SI: variants seen among roughly 807,000 people sequenced by gnomAD.
SI encodes the protein sucrase-isomaltase, also known as sucrase-isomaltase, intestinal.
SI carries 235 observed loss-of-function variants against 253.3 expected under a neutral mutation model. That is an observed-to-expected ratio of 0.93 (90% CI 0.83 to 1.03). The LOEUF (loss-of-function observed/expected upper bound fraction) is 1.03, where lower values mean the gene tolerates loss of function less well. Among genes scored for constraint, SI ranks in the 50% least tolerant of loss-of-function variants. The pLI is 0.00. For missense variants in SI, 2,442 were observed against 2,211.1 expected (o/e 1.10, Z -2.09); for synonymous variants, 819 against 712.0 (o/e 1.15, Z -2.39).
In SI at chr3:165,068,708, C is replaced by T. The variant is rs1714387418; in HGVS notation, c.483+14G>A. The T allele has an allele frequency of 1.3e-6, 2 of 1,595,410 alleles. No homozygotes were observed. Among genetic ancestry groups the T allele is most frequent in the South Asian group, 1.1e-5 (1 of 90,702 alleles). On this transcript the variant is annotated intron_variant, in intron 5 of 47. Transcript: ENST00000264382. ...CTTTTAGTATTAAATCTTTGGAAAC[C>T]TTAAAAACCGAACCTTGAACCGGAA... is the stretch of plus-strand genomic sequence containing the variant.
intron 17 of SI, 21 bp from the exon 18 acceptor site, chr3:165,041,115 TTAAAA>T: frequency 1.2e-6 from 2 of 1,610,056 alleles, no homozygotes; most frequent in Non-Finnish European, 1.7e-6. Flanking sequence ...GAAAGAGAAA[TTAAAA>T]TAAGAAAGCT....
the SI span, among the ~76,000 whole-genome samples, chr3:165,084,618 G>C: frequency 6.6e-6 from 1 of 151,728 alleles, no homozygotes; most frequent in Admixed American, 6.6e-5. Context: ...AAATATAATT[G>C]AAAATACATT....
chr3:165,009,714 C>T (rs1718684137), intron 34 of SI, among the ~76,000 whole-genome samples: 1 of 152,128 alleles, frequency 6.6e-6, no homozygotes, highest in Admixed American at 6.6e-5. Context: ...CTGCAGAGCC[C>T]ATACTTCAGG....
intron 15 of SI, among the ~76,000 whole-genome samples, chr3:165,048,432 T>C (rs1375679389): frequency 1.3e-5 from 2 of 151,162 alleles, no homozygotes; most frequent in Non-Finnish European, 2.9e-5. Flanking sequence ...CTTGGGGCAA[T>C]ATTTTCCCAG....
At chr3:165,040,710 A>G (rs151314153) in intron 18 of SI, among the ~76,000 whole-genome samples, 179 of 152,150 alleles carry the variant, frequency 1.2e-3, no homozygotes, top group African/African-American at 4.2e-3. Context: ...AACATATTTT[A>G]TATATCTTTT....
chr3:165,000,956 A>G (rs1161929520), intron 37 of SI, among the ~76,000 whole-genome samples: 4 of 151,266 alleles, frequency 2.6e-5, no homozygotes, highest in African/African-American at 9.7e-5. Flanking sequence ...ATATATCTTC[A>G]ATTATTATAA....
chr3:165,001,466 T>A (rs1718252685), intron 37 of SI, among the ~76,000 whole-genome samples: 1 of 151,526 alleles, frequency 6.6e-6, no homozygotes, highest in Admixed American at 6.6e-5. Context: ...TGAAATTGGA[T>A]AAGTATTTTG....
intron 13 of SI, among the ~76,000 whole-genome samples, chr3:165,053,220 C>A (rs1713520996): frequency 6.6e-6 from 1 of 151,862 alleles, no homozygotes; most frequent in African/African-American, 2.4e-5. Context: ...TACACAAAAA[C>A]TATACTTCAA....
At chr3:165,085,734 A>G in the SI span, among the ~76,000 whole-genome samples, 1 of 152,212 alleles carries the variant, frequency 6.6e-6, no homozygotes, top group African/African-American at 2.4e-5. Flanking sequence ...CTTTTTATGA[A>G]TAAATTGGAA....
At chr3:165,049,059 T>C (rs544186734) in intron 15 of SI, 68 bp downstream of exon 15, 37 of 922,928 alleles carry the variant, frequency 4.0e-5, no homozygotes, top group Admixed American at 1.2e-4. Context: ...ATGAATACAT[T>C]GATAAATTAT....
At position 164,996,551 on chromosome 3, in the gene SI, T is replaced by G; in HGVS notation, c.4676A>C (p.Asn1559Thr). ...ATTACATACTCTAGTATTTGCAATG[T>G]TGTGATTCCTTGAGTATGGATAAAA... ...GAFYPYSRNH[N>T]IANTRRQDPA... The change falls in exon 40 of 48, where the codon AAC becomes ACC. Residue 1559 changes from asparagine to threonine, a missense_variant. Asn to Thr is a moderately conservative substitution (Grantham distance 65). Transcript: ENST00000264382. 1 of 1,555,036 alleles carries G rather than the reference T, an allele frequency of 6.4e-7. No individual in the cohort carries two copies. Among genetic ancestry groups the G allele is most frequent in the Non-Finnish European group, 8.9e-7 (1 of 1,126,794 alleles).
At chr3:165,002,942 T>A (rs1320586025) in intron 37 of SI, among the ~76,000 whole-genome samples, 5 of 151,806 alleles carry the variant, frequency 3.3e-5, no homozygotes, top group African/African-American at 1.2e-4. Flanking sequence ...TATATGTATA[T>A]TGATTTCATT....
At chr3:165,070,345 CATAT>C (rs72166578) in intron 3 of SI, among the ~76,000 whole-genome samples, 2,404 of 139,302 alleles carry the variant, frequency 0.017, 48 homozygotes, top group African/African-American at 0.05. Flanking sequence ...CTCTAAACAC[CATAT>C]ATATATATAT....
At chr3:165,015,305 CA>C (rs1353158635) in intron 32 of SI, 72 bp from the exon 33 acceptor site, 7 of 931,518 alleles carry the variant, frequency 7.5e-6, no homozygotes, top group Non-Finnish European at 1.2e-5. Context: ...GATTATGAAG[CA>C]TAAGTTTTCA....
At chr3:165,065,197 T>C (rs987727491) in intron 7 of SI, 64 bp downstream of exon 7, 28 of 1,047,794 alleles carry the variant, frequency 2.7e-5, no homozygotes, top group Non-Finnish European at 4.0e-5. Context: ...TTTTCAAATA[T>C]GCTAAGATTT....
At chr3:165,044,066 C>G (rs919513728) in intron 16 of SI, among the ~76,000 whole-genome samples, 2 of 151,870 alleles carry the variant, frequency 1.3e-5, no homozygotes, top group African/African-American at 4.8e-5. Context: ...AGGTTGCAGT[C>G]AAAACTGTTT....
At chr3:165,009,514 A>G in intron 34 of SI, 119 bp from the exon 35 acceptor site, 1 of 696,902 alleles carries the variant, frequency 1.4e-6, no homozygotes, top group Non-Finnish European at 2.7e-6. Context: ...AAGGAAATTG[A>G]CATCAATCTT....
rs1200263910 is a variant in SI at position 164,996,748 on chromosome 3, CCAAA to C, written c.4561_4564del (p.Phe1521GlufsTer62). ...AATAAAACTACTTACATATGACATT[CCAAA>C]CAGACTAAATTCCATCATACCTGAA... is the stretch of plus-strand genomic sequence containing the variant. On this transcript the variant is annotated frameshift_variant, in exon 39 of 48. Transcript: ENST00000264382. LOFTEE classifies it high-confidence loss of function. 6.5e-6 allele frequency: 7 copies of C among 1,079,498 alleles called. No homozygotes were observed. Among genetic ancestry groups the C allele is most frequent in the African/African-American group, 4.8e-5 (3 of 62,868 alleles). The allele number at this position is 1,079,498 out of a possible 1,614,324, so 66.9% of individuals were successfully genotyped here. A position where few individuals can be genotyped will look rare whatever the true frequency, so the allele number is the denominator to read the frequency against.
intron 33 of SI, 90 bp from the exon 34 acceptor site, chr3:165,013,132 G>C: frequency 1.2e-6 from 1 of 832,224 alleles, no homozygotes; most frequent in South Asian, 1.3e-5. Context: ...AGTATTAGAG[G>C]CTTATTATTA....
Sources: gnomAD v4.1 joint callset for allele counts (sites outside exome capture counted in the v4.1 genomes callset) on GRCh38, gnomAD v4.1.1 for gene constraint, MANE v1.5 for transcripts, NCBI Gene and HGNC (gene_info 2026-07-23, HGNC 2026-07-21) for gene names.